The following DPYD variants were observed in gnomAD, a reference collection of about 807,000 sequenced individuals.
DPYD encodes dihydropyrimidine dehydrogenase [NADP(+)].
In DPYD, 109 loss-of-function variants were observed where a neutral mutation model predicts 116.2. The ratio of observed to expected loss-of-function variants is 0.94; its 90% CI spans 0.80 to 1.10. The LOEUF is 1.10. Ranked by LOEUF, DPYD falls within the 50% of genes least tolerant of loss-of-function variation. The pLI is 0.00. For synonymous variants in DPYD, 440 were observed against 432.0 expected (o/e 1.02, Z -0.23); for missense variants, 1,302 against 1,254.5 (o/e 1.04, Z -0.57).
At chr1:97,683,326 T>C (rs995634341) in intron 7 of DPYD, among the ~76,000 whole-genome samples, 2 of 151,872 alleles carry the variant, frequency 1.3e-5, no homozygotes, top group South Asian at 4.1e-4. Context: ...TACTATCTCA[T>C]AATCACAGAT....
At position 97,384,306 on chromosome 1, in the gene DPYD, A is replaced by T. The variant is rs6682669; in HGVS notation, c.1906-1845T>A. ...ATAAACGTTTTCATCAGGAGAATAG[A>T]AAGTTGTGACCATATTGGAGAGAGT... On this transcript the variant is annotated intron_variant, in intron 14 of 22. Coordinates refer to ENST00000370192, the MANE Select transcript of DPYD (RefSeq NM_000110.4). Among the ~76,000 whole-genome samples, 1,153 of 151,750 alleles carry T rather than the reference A, an allele frequency of 7.6e-3. 15 individuals carry two copies. Among genetic ancestry groups the T allele is most frequent in the African/African-American group, 0.027 (1,101 of 41,456 alleles).
intron 3 of DPYD, among the ~76,000 whole-genome samples, chr1:97,803,564 G>A (rs1220664285): frequency 6.6e-6 from 1 of 151,788 alleles, no homozygotes; most frequent in Non-Finnish European, 1.5e-5. Context: ...TCTATGAAAT[G>A]GGACTACACA....
intron 18 of DPYD, among the ~76,000 whole-genome samples, chr1:97,257,616 A>G (rs1386473531): frequency 6.6e-6 from 1 of 151,694 alleles, no homozygotes; most frequent in Non-Finnish European, 1.5e-5. Flanking sequence ...CTTCCCAGCT[A>G]TTTTTTCAAT....
At chr1:97,569,171 G>A (rs1211354456) in intron 11 of DPYD, among the ~76,000 whole-genome samples, 1 of 151,826 alleles carries the variant, frequency 6.6e-6, no homozygotes, top group Non-Finnish European at 1.5e-5. Context: ...TAGTGAAAGG[G>A]TGGAAGAATT....
At chr1:97,307,636 G>C (rs1667250954) in intron 16 of DPYD, among the ~76,000 whole-genome samples, 1 of 151,812 alleles carries the variant, frequency 6.6e-6, no homozygotes, top group South Asian at 2.1e-4. Context: ...TTTTAGAACA[G>C]TAATTTCTTC....
At chr1:97,568,739 A>T (rs1390296584) in intron 11 of DPYD, among the ~76,000 whole-genome samples, 1 of 152,132 alleles carries the variant, frequency 6.6e-6, no homozygotes, top group Non-Finnish European at 1.5e-5. Flanking sequence ...CCATCATAGG[A>T]GAAAATAGTA....
chr1:97,480,992 AAG>A (rs1678264487), intron 13 of DPYD, among the ~76,000 whole-genome samples: 1 of 152,174 alleles, frequency 6.6e-6, no homozygotes, highest in Non-Finnish European at 1.5e-5. Flanking sequence ...AAAAAACAAA[AAG>A]AAAAAAAATT....
At chr1:97,439,410 A>C (rs1159021276) in intron 14 of DPYD, among the ~76,000 whole-genome samples, 1 of 152,148 alleles carries the variant, frequency 6.6e-6, no homozygotes, top group Non-Finnish European at 1.5e-5. Flanking sequence ...ATTTTCTCTA[A>C]TGTTATCTAT....
rs1198126041 is a variant in DPYD, at chr1:97,378,889, CACAG to C, written c.1974+3500_1974+3503del. On this transcript the variant is annotated intron_variant, in intron 15 of 22. Transcript: ENST00000370192. Reference sequence around the variant, plus strand: ...TTTATTATATGCTACAGAGGAAAAACACAGACAGAGGTAGATCCAGATTTTGGGG... The same window carrying C: ...TTTATTATATGCTACAGAGGAAAAACACAGAGGTAGATCCAGATTTTGGGG... 3.3e-5 allele frequency among the ~76,000 whole-genome samples: 5 copies of C among 152,282 alleles called. No homozygotes were observed. In the East Asian group the frequency reaches 9.7e-4, roughly 29 times the overall value.
At chr1:97,592,182 A>T (rs985039517) in intron 10 of DPYD, among the ~76,000 whole-genome samples, 2 of 152,218 alleles carry the variant, frequency 1.3e-5, no homozygotes, top group Non-Finnish European at 2.9e-5. Context: ...ATTTGATTTA[A>T]ATGAGTAATT....
At position 97,679,091 on chromosome 1, in the gene DPYD, T is replaced by G. The variant is rs1420868551; in HGVS notation, c.850+4A>C. 6.9e-7 allele frequency: 1 copy of G among 1,450,048 alleles called. No homozygotes were observed. The highest frequency in any genetic ancestry group is 9.5e-7 in the Non-Finnish European group (1 of 1,052,558). 89.8% of individuals were successfully genotyped at this position (1,450,048 alleles called of 1,614,324 possible). A position where few individuals can be genotyped will look rare whatever the true frequency, so the allele number is the denominator to read the frequency against. The stretch of plus-strand genomic sequence containing the variant: ...ATAAATATATTTAAGAGTAAACTAC[T>G]CACCTATTCCAATGAAAGCAGCTTT... On this transcript the variant is annotated splice_donor_region_variant and intron_variant, in intron 8 of 22. Transcript: ENST00000370192.
chr1:97,760,322 C>T (rs1474607909), intron 3 of DPYD, among the ~76,000 whole-genome samples: 1 of 152,138 alleles, frequency 6.6e-6, no homozygotes, highest in Non-Finnish European at 1.5e-5. Context: ...TACACAAACA[C>T]ACCCCACATA....
At chr1:97,783,383 TTTTA>T (rs947949235) in intron 3 of DPYD, among the ~76,000 whole-genome samples, 4 of 152,076 alleles carry the variant, frequency 2.6e-5, no homozygotes, top group Admixed American at 6.6e-5. Context: ...TTATTTTATT[TTTTA>T]TTTATTTATT....
At chr1:97,589,034 T>G (rs183077521) in intron 10 of DPYD, among the ~76,000 whole-genome samples, 11 of 152,232 alleles carry the variant, frequency 7.2e-5, no homozygotes, top group Non-Finnish European at 1.6e-4. Context: ...CACCCCAGAC[T>G]TACTGAATCA....
At chr1:97,706,641 T>C (rs565938029) in intron 5 of DPYD, among the ~76,000 whole-genome samples, 17 of 152,098 alleles carry the variant, frequency 1.1e-4, no homozygotes, top group Non-Finnish European at 2.1e-4. Context: ...GATTGGCTTC[T>C]TTCATTTAGT....
At chr1:97,549,145 C>T (rs1404044435) in intron 12 of DPYD, among the ~76,000 whole-genome samples, 1 of 151,974 alleles carries the variant, frequency 6.6e-6, no homozygotes, top group African/African-American at 2.4e-5. Flanking sequence ...TGGCTTACTG[C>T]AGCCTTGACC....
intron 21 of DPYD, among the ~76,000 whole-genome samples, chr1:97,086,605 C>G (rs976997271): frequency 6.6e-6 from 1 of 152,116 alleles, no homozygotes; most frequent in African/African-American, 2.4e-5. Flanking sequence ...TGTATCATAT[C>G]AGTTTCTACT....
chr1:97,559,005 C>A (rs1277507858), intron 11 of DPYD, among the ~76,000 whole-genome samples: 1 of 152,094 alleles, frequency 6.6e-6, no homozygotes, highest in African/African-American at 2.4e-5. Flanking sequence ...TTCAATGATA[C>A]CATCTCTTTA....
At chr1:97,297,362 A>G (rs1666598830) in intron 18 of DPYD, among the ~76,000 whole-genome samples, 1 of 152,124 alleles carries the variant, frequency 6.6e-6, no homozygotes, top group Non-Finnish European at 1.5e-5. Flanking sequence ...CCCCACACTT[A>G]AGGACCTCTT....
Sources: allele counts gnomAD v4.1 joint callset (sites outside exome capture counted in the v4.1 genomes callset), GRCh38; gene constraint gnomAD v4.1.1; transcripts MANE v1.5; gene names NCBI Gene and HGNC (gene_info 2026-07-23, HGNC 2026-07-21).